The following BTBD9 variants were observed in gnomAD, a reference collection of about 807,000 sequenced individuals.
The protein encoded by BTBD9 is BTB domain containing 9.
In BTBD9, 49 loss-of-function variants were observed where a neutral mutation model predicts 64.3. The ratio of observed to expected loss-of-function variants is 0.76; its 90% CI spans 0.61 to 0.97. The LOEUF (loss-of-function observed/expected upper bound fraction) is 0.97, where lower values mean the gene tolerates loss of function less well. Among genes scored for constraint, BTBD9 ranks in the 50% least tolerant of loss-of-function variants. The pLI, the probability that BTBD9 is intolerant of heterozygous loss-of-function variation, is 0.00. For synonymous variants in BTBD9, 260 were observed against 274.7 expected (o/e 0.95, Z 0.53); for missense variants, 598 against 762.1 (o/e 0.78, Z 2.53).
At chr6:38,271,979 GA>G (rs1339693076) in intron 8 of BTBD9, among the ~76,000 whole-genome samples, 3 of 151,454 alleles carry the variant, frequency 2.0e-5, no homozygotes, top group African/African-American at 4.9e-5. Flanking sequence ...AATGTGGGGG[GA>G]GGGGGGGAAG....
At position 38,219,134 on chromosome 6, in the gene BTBD9, T is replaced by C. The variant is rs9394478; in HGVS notation, c.1563-26537A>G. Among the ~76,000 whole-genome samples the C allele has an allele frequency of 1.4e-3, 120 of 85,306 alleles. 3 individuals carry two copies. The highest frequency in any genetic ancestry group is 4.7e-3 in the East Asian group (7 of 1,496). 56.0% of individuals were successfully genotyped at this position (85,306 alleles called of 152,430 possible). A position where few individuals can be genotyped will look rare whatever the true frequency, so the allele number is the denominator to read the frequency against. On this transcript the variant is annotated intron_variant, in intron 9 of 10. Transcript: ENST00000481247. ...CATTACTATCACTTTCTTTTCTTTT[T>C]TTTTTTTTTTTTTTTTTTTGAGACC...
chr6:38,376,460 A>T (rs1765699394), intron 6 of BTBD9, among the ~76,000 whole-genome samples: 1 of 152,204 alleles, frequency 6.6e-6, no homozygotes, highest in African/African-American at 2.4e-5. Context: ...AATCTATGTG[A>T]TCTCAATACC....
intron 6 of BTBD9, among the ~76,000 whole-genome samples, chr6:38,498,649 T>G (rs371798293): frequency 7.2e-5 from 11 of 152,074 alleles, no homozygotes; most frequent in African/African-American, 2.4e-4. Flanking sequence ...ATGAAACCTG[T>G]GGTGAGCACC....
intron 6 of BTBD9, among the ~76,000 whole-genome samples, chr6:38,486,536 G>C (rs1771432883): frequency 6.6e-6 from 1 of 152,186 alleles, no homozygotes; most frequent in South Asian, 2.1e-4. Context: ...TCAGGGAATA[G>C]GGAGATTGGA....
At chr6:38,302,485 G>GTATATATATATATATATATATATATATA (rs59324806) in intron 7 of BTBD9, among the ~76,000 whole-genome samples, 7 of 106,904 alleles carry the variant, frequency 6.5e-5, no homozygotes, top group Non-Finnish European at 1.3e-4. Flanking sequence ...TTGTGTGTAT[G>GTATATATATATATATATATATATATATA]TATATATATA....
intron 6 of BTBD9, among the ~76,000 whole-genome samples, chr6:38,575,653 G>C (rs1235107208): frequency 6.6e-6 from 1 of 152,098 alleles, no homozygotes; most frequent in Non-Finnish European, 1.5e-5. Flanking sequence ...TTATAACCTA[G>C]TAAAAAAGAC....
At chr6:38,435,756 C>T (rs570243809) in intron 6 of BTBD9, among the ~76,000 whole-genome samples, 8 of 151,148 alleles carry the variant, frequency 5.3e-5, no homozygotes, top group African/African-American at 2.0e-4. Context: ...GCAACCTCCA[C>T]CTTCTGGGTT....
intron 6 of BTBD9, among the ~76,000 whole-genome samples, chr6:38,435,911 C>T (rs1476031437): frequency 2.0e-5 from 3 of 151,412 alleles, no homozygotes; most frequent in African/African-American, 7.3e-5. Context: ...TCAAGTGATC[C>T]GCCCACCTTG....
At chr6:38,446,719 C>T (rs866640885) in intron 6 of BTBD9, among the ~76,000 whole-genome samples, 1 of 152,162 alleles carries the variant, frequency 6.6e-6, no homozygotes, top group Non-Finnish European at 1.5e-5. Context: ...GAGCTTTAGC[C>T]ATATTTTACA....
chr6:38,374,313 A>ATATATACG (rs1765587216), intron 6 of BTBD9, among the ~76,000 whole-genome samples: 1 of 117,420 alleles, frequency 8.5e-6, no homozygotes, highest in Non-Finnish European at 1.7e-5. Context: ...ATATGTATAT[A>ATATATACG]TATATATATA....
intron 6 of BTBD9, among the ~76,000 whole-genome samples, chr6:38,556,910 G>A (rs1432759194): frequency 2.0e-5 from 3 of 149,830 alleles, no homozygotes; most frequent in African/African-American, 4.9e-5. Context: ...CTACTTGGGA[G>A]GCTGAGGCAA....
At chr6:38,402,927 C>G (rs769442701) in intron 6 of BTBD9, 29 of 679,768 alleles carry the variant, frequency 4.3e-5, no homozygotes, top group Admixed American at 3.2e-4. Context: ...AAAAAATTAG[C>G]TGGACTTTGG....
At chr6:38,587,427 T>C in intron 4 of BTBD9, 2 of 535,562 alleles carry the variant, frequency 3.7e-6, no homozygotes, top group African/African-American at 1.9e-5. Flanking sequence ...ATATTACTTA[T>C]GATGAATTAG....
At chr6:38,211,823 T>C in intron 9 of BTBD9, among the ~76,000 whole-genome samples, 1 of 152,208 alleles carries the variant, frequency 6.6e-6, no homozygotes, top group Non-Finnish European at 1.5e-5. Context: ...TAACAAACTC[T>C]TGCTGTCACT....
chr6:38,429,539 A>C (rs1169121380), intron 6 of BTBD9, among the ~76,000 whole-genome samples: 1 of 151,888 alleles, frequency 6.6e-6, no homozygotes, highest in Non-Finnish European at 1.5e-5. Flanking sequence ...ACGTACTTAA[A>C]TGTTAACCTA....
At chr6:38,270,188 A>C (rs533615854) in intron 8 of BTBD9, among the ~76,000 whole-genome samples, 31 of 152,296 alleles carry the variant, frequency 2.0e-4, no homozygotes, top group African/African-American at 7.0e-4. Context: ...TCAAGAACAA[A>C]CATTTATGTC....
chr6:38,634,830 G>C (rs1364539182), intron 1 of BTBD9, among the ~76,000 whole-genome samples: 2 of 152,136 alleles, frequency 1.3e-5, no homozygotes, highest in East Asian at 3.9e-4. Context: ...ATAGATTCTG[G>C]AGAAAACAAA....
At chr6:38,487,684 G>GGAAAAGAAAA (rs369133808) in intron 6 of BTBD9, among the ~76,000 whole-genome samples, 4,406 of 150,434 alleles carry the variant, frequency 0.029, 139 homozygotes, top group East Asian at 0.12. Context: ...AGAGAAGAAA[G>GGAAAAGAAAA]GAAAAGAAAA....
intron 6 of BTBD9, among the ~76,000 whole-genome samples, chr6:38,551,049 A>C (rs549891569): frequency 6.6e-6 from 1 of 152,172 alleles, no homozygotes; most frequent in South Asian, 2.1e-4. Flanking sequence ...TCAGGTCTTT[A>C]CTCAGATGTC....
Sources: allele counts gnomAD v4.1 joint callset (sites outside exome capture counted in the v4.1 genomes callset), GRCh38; gene constraint gnomAD v4.1.1; transcripts MANE v1.5; gene names NCBI Gene and HGNC (gene_info 2026-07-23, HGNC 2026-07-21).